CHD1L: variants seen among roughly 807,000 people sequenced by gnomAD.
The protein encoded by CHD1L is chromodomain helicase DNA binding protein 1 like.
Under a neutral mutation model 115.9 loss-of-function variants are expected in CHD1L, and 118 were observed. The observed-to-expected ratio is 1.02, with a 90% confidence interval of 0.88 to 1.19. The LOEUF is 1.19. CHD1L is among the 50% of genes most tolerant of loss of function. The pLI is 0.00. For synonymous variants in CHD1L, 411 were observed against 387.1 expected (o/e 1.06, Z -0.72); for missense variants, 1,179 against 1,065.3 (o/e 1.11, Z -1.49).
intron 6 of CHD1L, 88 bp from the exon 7 acceptor site, chr1:147,264,330 CCTCT>C (rs1169549191): frequency 1.7e-6 from 2 of 1,145,262 alleles, no homozygotes; most frequent in Non-Finnish European, 2.5e-6. Context: ...TTAAATCATG[CCTCT>C]CTCTGTGTGG....
chr1:147,264,696 C>T, intron 7 of CHD1L, 112 bp downstream of exon 7: 1 of 1,105,436 alleles, frequency 9.0e-7, no homozygotes, highest in Non-Finnish European at 1.3e-6. Context: ...AGGACACCTT[C>T]CAGGGAGACA....
chr1:147,243,724 T>C (rs587621455), intron 1 of CHD1L, among the ~76,000 whole-genome samples: 3 of 152,326 alleles, frequency 2.0e-5, no homozygotes, highest in East Asian at 1.9e-4. Context: ...TCATTACTTA[T>C]TGAATGCTAC....
intron 1 of CHD1L, 44 bp from the exon 2 acceptor site, chr1:147,252,579 C>A: frequency 6.8e-7 from 1 of 1,480,274 alleles, no homozygotes; most frequent in Non-Finnish European, 9.4e-7. Context: ...TCTGCATGTA[C>A]TGAAATGTCT....
chr1:147,255,191 G>A lies in CHD1L; in HGVS notation c.347+215G>A, dbSNP rs7548820. ...GCAATTTAAAGGTCAGCAATCGTTT[G>A]TAGTAAGTATTGATGAACTTAGTAG... is the stretch of plus-strand genomic sequence containing the variant. On this transcript the variant is annotated intron_variant, in intron 3 of 22. Coordinates refer to ENST00000369258, the MANE Select transcript of CHD1L (RefSeq NM_004284.6). Among the ~76,000 whole-genome samples the A allele has an allele frequency of 0.48, 73,384 of 152,022 alleles. 18,347 individuals carry two copies. Among genetic ancestry groups the A allele is most frequent in the East Asian group, 0.69 (3,548 of 5,162 alleles).
chr1:147,245,937 A>G (rs76443444), intron 1 of CHD1L, among the ~76,000 whole-genome samples: 23,719 of 152,158 alleles, frequency 0.16, 2,551 homozygotes, highest in East Asian at 0.44. Context: ...TACACTTGCA[A>G]TGATGGTACA....
chr1:147,256,669 TC>T lies in CHD1L; in HGVS notation c.494+109del, dbSNP rs587598127. On this transcript the variant is annotated intron_variant, in intron 5 of 22. Coordinates refer to ENST00000369258, the MANE Select transcript of CHD1L (RefSeq NM_004284.6). ...CTCTCCTGGCATGTCTGGTATGTCT[TC>T]CATGAGTTCTGTTTATGGGTAGGCG... 3.8e-3 allele frequency: 4,099 copies of T among 1,074,172 alleles called. 9 individuals are homozygous for T. Among genetic ancestry groups the T allele is most frequent in the Non-Finnish European group, 4.6e-3 (3,243 of 709,462 alleles). The allele number at this position is 1,074,172 out of a possible 1,614,324, so 66.5% of individuals were successfully genotyped here. A position where few individuals can be genotyped will look rare whatever the true frequency, so the allele number is the denominator to read the frequency against.
chr1:147,179,400 C>T, the CHD1L span: 9 of 1,598,070 alleles, frequency 5.6e-6, no homozygotes, highest in African/African-American at 4.0e-5. Flanking sequence ...ACCTGAATAT[C>T]GTCATAGCCA....
chr1:147,256,681 G>C, intron 5 of CHD1L, 119 bp downstream of exon 5: 1 of 930,104 alleles, frequency 1.1e-6, no homozygotes, highest in Non-Finnish European at 1.7e-6. Flanking sequence ...CATGAGTTCT[G>C]TTTATGGGTA....
the CHD1L span, chr1:147,190,367 A>C: frequency 1.4e-5 from 9 of 631,694 alleles, no homozygotes; most frequent in Admixed American, 1.2e-4. Context: ...TCCTGTACTC[A>C]AGGAGGTTAC....
At chr1:147,286,698 A>G (rs9662427) in intron 18 of CHD1L, among the ~76,000 whole-genome samples, 198 bp downstream of exon 18, 2 of 152,124 alleles carry the variant, frequency 1.3e-5, no homozygotes, top group African/African-American at 4.8e-5. Flanking sequence ...TAGTTACCCA[A>G]CCTTTCAACT....
chr1:147,187,354 G>T, the CHD1L span: 1 of 723,078 alleles, frequency 1.4e-6, no homozygotes, highest in Non-Finnish European at 2.3e-6. Flanking sequence ...ACTAGGAGCT[G>T]TGGAATATAG....
chr1:147,243,073 G>A (rs1553932213), intron 1 of CHD1L: 3 of 356,724 alleles, frequency 8.4e-6, no homozygotes, highest in African/African-American at 2.1e-5. Context: ...CCGGTAGCCA[G>A]GCCTGGCCCC....
At chr1:147,189,379 G>T in the CHD1L span, among the ~76,000 whole-genome samples, 1 of 152,078 alleles carries the variant, frequency 6.6e-6, no homozygotes, top group African/African-American at 2.4e-5. Context: ...CAGAGGTTTG[G>T]CAGTGAAAGG....
intron 9 of CHD1L, 46 bp downstream of exon 9, chr1:147,267,564 C>A: frequency 2.1e-6 from 3 of 1,451,664 alleles, no homozygotes; most frequent in Non-Finnish European, 2.9e-6. Flanking sequence ...GGTAATGTTT[C>A]TGTGGCCAAA....
chr1:147,201,460 C>T, the CHD1L span: 28 of 1,613,954 alleles, frequency 1.7e-5, no homozygotes, highest in East Asian at 3.6e-4. Flanking sequence ...AGAAATGATA[C>T]GATTTGGCAG....
chr1:147,219,478 T>G, the CHD1L span, among the ~76,000 whole-genome samples: 1 of 152,096 alleles, frequency 6.6e-6, no homozygotes, highest in Non-Finnish European at 1.5e-5. Context: ...GGAGAGAAAC[T>G]TCCTCAATTT....
the CHD1L span, among the ~76,000 whole-genome samples, chr1:147,212,919 A>T: frequency 0.054 from 7,345 of 136,334 alleles, 266 homozygotes; most frequent in South Asian, 0.1. Context: ...TTTTTTTTTT[A>T]AAATGAAAAT....
intron 20 of CHD1L, among the ~76,000 whole-genome samples, chr1:147,293,310 C>CT (rs35381917): frequency 0.38 from 57,567 of 149,884 alleles, 10,968 homozygotes; most frequent in East Asian, 0.47. Flanking sequence ...GAAAAATTCT[C>CT]TTTTTTTTTT....
chr1:147,230,998 C>G, the CHD1L span, among the ~76,000 whole-genome samples: 1 of 151,320 alleles, frequency 6.6e-6, no homozygotes. Context: ...TTTTGTGTCT[C>G]TATTTCCTTC....
Sources: allele counts gnomAD v4.1 joint callset (sites outside exome capture counted in the v4.1 genomes callset), GRCh38; gene constraint gnomAD v4.1.1; transcripts MANE v1.5; gene names NCBI Gene and HGNC (gene_info 2026-07-23, HGNC 2026-07-21).